Variants in ADARB2 observed in about 807,000 individuals in gnomAD.
ADARB2 encodes inactive double-stranded RNA-specific editase B2.
In ADARB2, 25 loss-of-function variants were observed where a neutral mutation model predicts 62.2. That is an observed-to-expected ratio of 0.40 (90% CI 0.29 to 0.56). The LOEUF (loss-of-function observed/expected upper bound fraction) is 0.56. ADARB2 is among the 20% of genes least tolerant of loss of function. The probability of loss-of-function intolerance (pLI) is 0.43; values close to 1 mark genes in which losing one functional copy is unlikely to be tolerated. For synonymous variants in ADARB2, 572 were observed against 500.8 expected (o/e 1.14, Z -1.90); for missense variants, 1,071 against 1,077.4 (o/e 0.99, Z 0.08).
chr10:1,343,998 C>A (rs1474572910), intron 3 of ADARB2, among the ~76,000 whole-genome samples: 1 of 152,148 alleles, frequency 6.6e-6, no homozygotes, highest in Non-Finnish European at 1.5e-5. Flanking sequence ...TATAGCAAAC[C>A]TGCACATGTA....
Position 1,277,355 on chromosome 10 carries a change from G to T in ADARB2, c.1078-6286C>A, listed in dbSNP as rs556733549. ...AAAGGATCAACAAAATTGATAGACC[G>T]CTAGCAAGACTAATAAAGAAGAAAG... is the stretch of plus-strand genomic sequence containing the variant. On this transcript the variant is annotated intron_variant, in intron 3 of 9. Coordinates refer to ENST00000381312, the MANE Select transcript of ADARB2 (RefSeq NM_018702.4). Among the ~76,000 whole-genome samples, 444 of 152,182 alleles carry T rather than the reference G, an allele frequency of 2.9e-3. 2 individuals are homozygous for T. The highest frequency in any genetic ancestry group is 9.1e-3 in the African/African-American group (379 of 41,510).
chr10:1,374,508 C>G (rs1364522159), intron 2 of ADARB2, among the ~76,000 whole-genome samples: 1 of 152,190 alleles, frequency 6.6e-6, no homozygotes, highest in Non-Finnish European at 1.5e-5. Flanking sequence ...TTTTGCTTTC[C>G]AAGTGGAAGC....
intron 1 of ADARB2, among the ~76,000 whole-genome samples, chr10:1,626,137 G>A (rs1480490886): frequency 3.3e-4 from 44 of 132,814 alleles, no homozygotes; most frequent in East Asian, 6.5e-4. Context: ...GTCTGCCCAT[G>A]CTCTCTCCTG....
At chr10:1,380,073 A>G (rs1832469207) in intron 1 of ADARB2, among the ~76,000 whole-genome samples, 1 of 152,180 alleles carries the variant, frequency 6.6e-6, no homozygotes, top group Non-Finnish European at 1.5e-5. Flanking sequence ...CGCACTTGGG[A>G]GTATTGGTTC....
chr10:1,395,393 G>T (rs913159483), intron 1 of ADARB2, among the ~76,000 whole-genome samples: 5 of 152,198 alleles, frequency 3.3e-5, no homozygotes, highest in Non-Finnish European at 5.9e-5. Flanking sequence ...CTCGCTGAAG[G>T]CCTCAGCTTC....
At chr10:1,537,991 T>C (rs1209543443) in intron 1 of ADARB2, among the ~76,000 whole-genome samples, 1 of 152,186 alleles carries the variant, frequency 6.6e-6, no homozygotes, top group African/African-American at 2.4e-5. Context: ...GAAAAAGAAT[T>C]GCTTTTTTTA....
At position 1,531,563 on chromosome 10, in the gene ADARB2, G is replaced by C. The variant is rs555456038; in HGVS notation, c.101-152403C>G. Among the ~76,000 whole-genome samples, 4 of 152,318 alleles carry C rather than the reference G, an allele frequency of 2.6e-5. No individual in the cohort carries two copies. In the East Asian group the frequency reaches 7.7e-4, roughly 29 times the overall value. On this transcript the variant is annotated intron_variant, in intron 1 of 9. Transcript: ENST00000381312. ...CACAGTAATAGTGCTCTAGAGACTG[G>C]GTGCGGTGGCTCACGCCTGTAATCC... is the stretch of plus-strand genomic sequence containing the variant.
At chr10:1,487,230 A>G (rs1831555084) in intron 1 of ADARB2, among the ~76,000 whole-genome samples, 2 of 152,246 alleles carry the variant, frequency 1.3e-5, no homozygotes, top group South Asian at 4.1e-4. Context: ...TTGTCAAGTT[A>G]TCTGGTGATT....
At chr10:1,289,231 T>C (rs1831441756) in intron 3 of ADARB2, among the ~76,000 whole-genome samples, 1 of 152,208 alleles carries the variant, frequency 6.6e-6, no homozygotes, top group African/African-American at 2.4e-5. Context: ...TGGAAGCCGC[T>C]GCTTTGAGTT....
At chr10:1,647,010 C>T (rs571061869) in intron 1 of ADARB2, among the ~76,000 whole-genome samples, 6 of 152,330 alleles carry the variant, frequency 3.9e-5, no homozygotes, top group African/African-American at 1.4e-4. Flanking sequence ...AGGATAAAAT[C>T]CAAAGGAGAA....
At chr10:1,597,880 T>G (rs1056142675) in intron 1 of ADARB2, among the ~76,000 whole-genome samples, 5 of 152,212 alleles carry the variant, frequency 3.3e-5, no homozygotes, top group Non-Finnish European at 4.4e-5. Flanking sequence ...TAAGTGTCCA[T>G]CAGCAATGCA....
chr10:1,449,796 C>G (rs565515040), intron 1 of ADARB2, among the ~76,000 whole-genome samples: 1 of 152,324 alleles, frequency 6.6e-6, no homozygotes, highest in South Asian at 2.1e-4. Flanking sequence ...CTATTAGGCA[C>G]TCAATGGCTA....
chr10:1,579,794 A>G (rs1833071518), intron 1 of ADARB2, among the ~76,000 whole-genome samples: 1 of 151,902 alleles, frequency 6.6e-6, no homozygotes, highest in African/African-American at 2.4e-5. Flanking sequence ...CTCATCCCAA[A>G]CCCTCATCAC....
In ADARB2 at chr10:1,363,802, C is replaced by A. The variant is rs756186450; in HGVS notation, c.303G>T (p.Pro101=). Residue 101 remains proline (P), a synonymous_variant, in exon 3 of 10, where the codon CCG becomes CCT. Coordinates refer to ENST00000381312, the MANE Select transcript of ADARB2 (RefSeq NM_018702.4). ...GGAPGAKRKR[P]LEEGNGGHLC... ...AGTGGCCCCCATTCCCCTCCTCCAGCGGCCGCTTCCTCTTCGCGCCGGGCG... is the reference window on the plus strand; with the variant it reads ...AGTGGCCCCCATTCCCCTCCTCCAGAGGCCGCTTCCTCTTCGCGCCGGGCG... 6 of 1,596,506 alleles carry A rather than the reference C, an allele frequency of 3.8e-6. No individual in the cohort carries two copies. In the East Asian group the frequency reaches 6.7e-5, roughly 18 times the overall value.
chr10:1,581,066 C>A (rs1318218677), intron 1 of ADARB2, among the ~76,000 whole-genome samples: 1 of 152,210 alleles, frequency 6.6e-6, no homozygotes, highest in African/African-American at 2.4e-5. Flanking sequence ...TTTCCAGCTC[C>A]TTTGGGTAAA....
chr10:1,535,373 A>C (rs1832317070), intron 1 of ADARB2, among the ~76,000 whole-genome samples: 1 of 152,126 alleles, frequency 6.6e-6, no homozygotes, highest in Admixed American at 6.6e-5. Flanking sequence ...GTGCCAGTGC[A>C]GCTGAGTTCT....
chr10:1,406,471 A>G (rs1490833448), intron 1 of ADARB2, among the ~76,000 whole-genome samples: 1 of 152,102 alleles, frequency 6.6e-6, no homozygotes, highest in African/African-American at 2.4e-5. Flanking sequence ...ATCACCTCCT[A>G]AAGTGTCTCC....
chr10:1,571,681 TGCAGGTGAGTGG>T (rs1406752908), intron 1 of ADARB2, among the ~76,000 whole-genome samples: 21 of 145,046 alleles, frequency 1.4e-4, no homozygotes, highest in Non-Finnish European at 4.5e-5. Context: ...CAGGTGAGTG[TGCAGGTGAGTGG>T]ACAGGTGAGT....
At position 1,271,089 on chromosome 10, in the gene ADARB2, G is replaced by C. The variant is rs764488425; in HGVS notation, c.1078-20C>G. Reference sequence around the variant, plus strand: ...GAATTCCTGAAAGACACAAGCACAGGCCTCCACGTTGGGCTGAGCAGGTGC... The same window carrying C: ...GAATTCCTGAAAGACACAAGCACAGCCCTCCACGTTGGGCTGAGCAGGTGC... On this transcript the variant is annotated intron_variant, in intron 3 of 9. Coordinates refer to ENST00000381312, the MANE Select transcript of ADARB2 (RefSeq NM_018702.4). 1 of 1,604,786 alleles carries C rather than the reference G, an allele frequency of 6.2e-7. No homozygotes were observed. Among genetic ancestry groups the C allele is most frequent in the Admixed American group, 1.7e-5 (1 of 59,696 alleles).
Sources: allele counts gnomAD v4.1 joint callset (sites outside exome capture counted in the v4.1 genomes callset), GRCh38; gene constraint gnomAD v4.1.1; transcripts MANE v1.5; gene names NCBI Gene and HGNC (gene_info 2026-07-23, HGNC 2026-07-21).